The following THADA variants were observed in gnomAD, a reference collection of about 807,000 sequenced individuals.
THADA encodes the protein THADA armadillo repeat containing.
Under a neutral mutation model 219.8 loss-of-function variants are expected in THADA, and 213 were observed. That is an observed-to-expected ratio of 0.97 (90% confidence interval 0.87 to 1.09). THADA has a LOEUF of 1.09. Among genes scored for constraint, THADA ranks in the 50% least tolerant of loss-of-function variants. The probability of loss-of-function intolerance (pLI) is 0.00; values close to 1 mark genes in which losing one functional copy is unlikely to be tolerated. For synonymous variants in THADA, 1,018 were observed against 828.9 expected, an observed-to-expected ratio of 1.23 and a Z score of -3.92; for missense variants, 2,956 against 2,311.3, an observed-to-expected ratio of 1.28 and a Z score of -5.72.
intron 10 of THADA, 38 bp downstream of exon 10, chr2:43,576,984 A>G (rs915785545): frequency 3.2e-6 from 5 of 1,564,186 alleles, no homozygotes; most frequent in Non-Finnish European, 2.6e-6. Flanking sequence ...ATGTCTTACA[A>G]GTGAAACAAA....
At chr2:43,442,001 C>T (rs1457882774) in intron 26 of THADA, among the ~76,000 whole-genome samples, 1 of 152,166 alleles carries the variant, frequency 6.6e-6, no homozygotes, top group Non-Finnish European at 1.5e-5. Flanking sequence ...GTTAAGAAGA[C>T]AGGTATTCAC....
chr2:43,403,166 T>A (rs1675078806), intron 28 of THADA, among the ~76,000 whole-genome samples: 1 of 152,250 alleles, frequency 6.6e-6, no homozygotes, highest in Non-Finnish European at 1.5e-5. Context: ...AATTAGGGTC[T>A]GTCTACCTAC....
At chr2:43,514,845 TA>T (rs1691116086) in intron 22 of THADA, among the ~76,000 whole-genome samples, 1 of 89,104 alleles carries the variant, frequency 1.1e-5, no homozygotes, top group Non-Finnish European at 1.9e-5. Flanking sequence ...ATTTTATATA[TA>T]ATAATATGTA....
intron 30 of THADA, among the ~76,000 whole-genome samples, chr2:43,332,619 G>A (rs1182017438): frequency 1.3e-5 from 2 of 152,136 alleles, no homozygotes; most frequent in African/African-American, 4.8e-5. Context: ...CATGCTAAAG[G>A]AAAAAACATA....
chr2:43,400,274 T>C (rs181594236), intron 28 of THADA, among the ~76,000 whole-genome samples: 3 of 152,070 alleles, frequency 2.0e-5, no homozygotes, highest in Non-Finnish European at 4.4e-5. Flanking sequence ...GTTAGGGTGG[T>C]TTCCAAATGC....
chr2:43,309,726 C>T (rs897474465), intron 31 of THADA, among the ~76,000 whole-genome samples: 4 of 152,108 alleles, frequency 2.6e-5, no homozygotes, highest in Non-Finnish European at 5.9e-5. Flanking sequence ...TTTAAGATCC[C>T]CTAGGATCAG....
At chr2:43,363,159 T>C (rs1669721007) in intron 29 of THADA, among the ~76,000 whole-genome samples, 2 of 152,228 alleles carry the variant, frequency 1.3e-5, no homozygotes, top group Non-Finnish European at 2.9e-5. Context: ...ATAAAAAGCA[T>C]AGTAAATACA....
chr2:43,298,507 C>T (rs1170274448), intron 31 of THADA, among the ~76,000 whole-genome samples: 1 of 144,558 alleles, frequency 6.9e-6, no homozygotes, highest in South Asian at 2.3e-4. Flanking sequence ...GACCTTTGTT[C>T]ACTTGTTTAT....
At chr2:43,472,835 T>G (rs1021944867) in intron 26 of THADA, among the ~76,000 whole-genome samples, 1 of 152,220 alleles carries the variant, frequency 6.6e-6, no homozygotes, top group Non-Finnish European at 1.5e-5. Context: ...TACTAAATAC[T>G]GTAGGCAATA....
chr2:43,485,309 G>T lies in THADA; in HGVS notation c.3761C>A (p.Thr1254Lys). The T allele has an allele frequency of 6.2e-7, 1 of 1,612,788 alleles. No homozygotes were observed. Among genetic ancestry groups the T allele is most frequent in the Non-Finnish European group, 8.5e-7 (1 of 1,179,274 alleles). ...SPVWAVRNSS[T>K]LLFSALITRI... ...TGTGATCAAGGCACTAAAGAGAAGT[G>T]TGGATGAATTTCGCACCTAATGTAC... Residue 1254 changes from threonine to lysine, a missense_variant, in exon 26 of 38, where the codon ACA (threonine) becomes AAA (lysine). Thr to Lys is a moderately conservative substitution (Grantham distance 78). Transcript: ENST00000405975.
At chr2:43,410,511 C>T (rs971740999) in intron 28 of THADA, among the ~76,000 whole-genome samples, 1 of 152,148 alleles carries the variant, frequency 6.6e-6, no homozygotes, top group African/African-American at 2.4e-5. Context: ...AGTACACAAA[C>T]AAATTGCAGT....
intron 31 of THADA, among the ~76,000 whole-genome samples, chr2:43,310,350 G>A (rs1227909911): frequency 6.6e-6 from 1 of 151,826 alleles, no homozygotes; most frequent in Non-Finnish European, 1.5e-5. Flanking sequence ...TTACTATGAA[G>A]TAATGATAAT....
chr2:43,581,525 C>G (rs907857607), intron 8 of THADA, among the ~76,000 whole-genome samples: 7 of 131,426 alleles, frequency 5.3e-5, no homozygotes, highest in African/African-American at 2.1e-4. Flanking sequence ...GCCTGGGCAG[C>G]ACAGTGAGAT....
In THADA at chr2:43,543,773, C is replaced by T. The variant is rs184161583; in HGVS notation, c.3107-2457G>A. ...TTCATTGTAGATTCTGCATATTAGC[C>T]CTTTGTCAGATGAGTAGGTTGCGAA... On this transcript the variant is annotated intron_variant, in intron 20 of 37. Coordinates refer to ENST00000405975, the MANE Select transcript of THADA (RefSeq NM_022065.5). 5.0e-3 allele frequency among the ~76,000 whole-genome samples: 764 copies of T among 152,062 alleles called. 4 individuals carry two copies. The highest frequency in any genetic ancestry group is 0.017 in the African/African-American group (712 of 41,452).
chr2:43,423,663 A>C (rs1209532900), intron 28 of THADA, among the ~76,000 whole-genome samples: 1 of 151,984 alleles, frequency 6.6e-6, no homozygotes, highest in African/African-American at 2.4e-5. Flanking sequence ...CGATCTCCTG[A>C]CTTGGTGATC....
At chr2:43,457,194 A>C (rs372097044) in intron 26 of THADA, among the ~76,000 whole-genome samples, 128 of 149,166 alleles carry the variant, frequency 8.6e-4, no homozygotes, top group African/African-American at 3.0e-3. Context: ...ATGCACAGTG[A>C]GTGAGGTGAT....
chr2:43,360,607 A>G (rs1162229712), intron 29 of THADA, among the ~76,000 whole-genome samples: 3 of 152,210 alleles, frequency 2.0e-5, no homozygotes, highest in African/African-American at 4.8e-5. Flanking sequence ...CACTGATGCC[A>G]CTATGAAACC....
chr2:43,512,520 G>A (rs181941300), intron 22 of THADA, among the ~76,000 whole-genome samples: 2 of 152,182 alleles, frequency 1.3e-5, no homozygotes, highest in Admixed American at 1.3e-4. Context: ...TTTTGTTTTT[G>A]AGACGAAATT....
intron 13 of THADA, 106 bp from the exon 14 acceptor site, chr2:43,570,616 G>A: frequency 8.5e-7 from 1 of 1,176,882 alleles, no homozygotes; most frequent in Non-Finnish European, 1.2e-6. Context: ...GAAGAGTACA[G>A]ATTTTTAAGC....
Sources: gnomAD v4.1 joint callset for allele counts (sites outside exome capture counted in the v4.1 genomes callset) on GRCh38, gnomAD v4.1.1 for gene constraint, MANE v1.5 for transcripts, NCBI Gene and HGNC (gene_info 2026-07-23, HGNC 2026-07-21) for gene names.